ANKRD11: variants seen among roughly 807,000 people sequenced by gnomAD.
The protein encoded by ANKRD11 is ankyrin repeat domain 11.
ANKRD11 carries 17 observed loss-of-function variants against 195.7 expected under a neutral mutation model. The observed-to-expected ratio is 0.09, with a 90% confidence interval of 0.06 to 0.13. ANKRD11 has a LOEUF of 0.13. Among genes scored for constraint, ANKRD11 ranks in the 10% least tolerant of loss-of-function variants. ANKRD11 has a pLI of 1.00. For synonymous variants in ANKRD11, 1,953 were observed against 1,528.1 expected, an observed-to-expected ratio of 1.28 and a Z score of -6.49; for missense variants, 3,735 against 3,566.1, an observed-to-expected ratio of 1.05 and a Z score of -1.21.
At chr16:89,293,485 G>A (rs2035201835) in intron 4 of ANKRD11, among the ~76,000 whole-genome samples, 7 of 149,788 alleles carry the variant, frequency 4.7e-5, no homozygotes, top group Admixed American at 4.7e-4. Context: ...TGCGGAGGGA[G>A]GAGCTGGGGC....
Position 89,284,080 on chromosome 16 carries a change from T to C in ANKRD11, c.2462A>G (p.Asn821Ser), listed in dbSNP as rs1002460120. 1.2e-6 allele frequency: 2 copies of C among 1,614,130 alleles called. No individual in the cohort carries two copies. The highest frequency in any genetic ancestry group is 8.5e-7 in the Non-Finnish European group (1 of 1,179,984). The change falls in exon 9 of 13, where the codon AAT becomes AGT. Residue 821 changes from asparagine (N) to serine (S), a missense_variant. By Grantham distance (46) the Asn-to-Ser change is conservative. Transcript: ENST00000301030. ...DSAFDEYCNK[N>S]QFLENEDTKF... is the part of the protein sequence containing the mutation. ...GGTGTCTTCATTCTCCAGAAACTGA[T>C]TTTTGTTACAATATTCGTCAAAAGC...
chr16:89,428,011 C>G (rs2042792640), intron 1 of ANKRD11, among the ~76,000 whole-genome samples: 1 of 149,276 alleles, frequency 6.7e-6, no homozygotes, highest in African/African-American at 2.5e-5. Context: ...AGTTTGAGAC[C>G]AGCCTGGCCA....
At chr16:89,349,147 A>AAAAAAAAAG (rs1180870045) in intron 2 of ANKRD11, among the ~76,000 whole-genome samples, 37 of 143,250 alleles carry the variant, frequency 2.6e-4, no homozygotes, top group Middle Eastern at 3.5e-3. Context: ...AAAAAAAAAA[A>AAAAAAAAAG]AAAAAAAAAA....
intron 1 of ANKRD11, among the ~76,000 whole-genome samples, chr16:89,473,678 C>A (rs2057163201): frequency 6.6e-6 from 1 of 152,170 alleles, no homozygotes; most frequent in Non-Finnish European, 1.5e-5. Context: ...AACCAATTCC[C>A]AGAGACTGAC....
intron 4 of ANKRD11, among the ~76,000 whole-genome samples, chr16:89,302,806 G>A (rs1335024542): frequency 6.6e-6 from 1 of 152,058 alleles, no homozygotes; most frequent in Non-Finnish European, 1.5e-5. Context: ...CACCTCACAG[G>A]GATTCTCACC....
rs139089952 is a variant in ANKRD11, at chr16:89,299,258, A to T, written c.226+5948T>A. 9.3e-3 allele frequency: 1,688 copies of T among 181,698 alleles called. 47 individuals carry two copies. Among genetic ancestry groups the T allele is most frequent in the Admixed American group, 0.057 (946 of 16,636 alleles). The allele number at this position is 181,698 out of a possible 1,614,324, so 11.3% of individuals were successfully genotyped here. ...TGGCTCTGGTCCTGCCTGGGAGGAG[A>T]TCTACAGGGGAGGGGCCTGGCCTTG... On this transcript the variant is annotated intron_variant, in intron 4 of 12. Coordinates refer to ENST00000301030, the MANE Select transcript of ANKRD11 (RefSeq NM_013275.6).
intron 1 of ANKRD11, among the ~76,000 whole-genome samples, chr16:89,429,112 G>A (rs1031063338): frequency 6.6e-6 from 1 of 151,090 alleles, no homozygotes; most frequent in Non-Finnish European, 1.5e-5. Context: ...ACGCTCAGAC[G>A]TTCTAGTACA....
chr16:89,298,153 TCCAGCGGTCA>T (rs912539756), intron 4 of ANKRD11: 17 of 152,318 alleles, frequency 1.1e-4, no homozygotes, highest in African/African-American at 3.6e-4. Context: ...TTCACCAGCA[TCCAGCGGTCA>T]CCATGGTGAA....
At chr16:89,316,871 A>G (rs1378073749) in intron 3 of ANKRD11, 62 bp downstream of exon 3, 1 of 1,573,886 alleles carries the variant, frequency 6.4e-7, no homozygotes, top group Non-Finnish European at 8.7e-7. Flanking sequence ...GCAGCACCCC[A>G]TTCCCACCTC....
chr16:89,406,152 A>T (rs915937851), intron 2 of ANKRD11, among the ~76,000 whole-genome samples: 4 of 151,868 alleles, frequency 2.6e-5, no homozygotes, highest in Admixed American at 2.0e-4. Context: ...AAATCACCAA[A>T]GTCCTAAGTC....
chr16:89,368,830 G>A (rs1357256801), intron 2 of ANKRD11, among the ~76,000 whole-genome samples: 1 of 152,148 alleles, frequency 6.6e-6, no homozygotes, highest in Admixed American at 6.5e-5. Flanking sequence ...GAGCCAGGAG[G>A]TTGACGCCAC....
intron 9 of ANKRD11, chr16:89,278,669 G>C: frequency 2.1e-6 from 1 of 470,588 alleles, no homozygotes; most frequent in Non-Finnish European, 4.2e-6. Context: ...GGGAACCCAC[G>C]CGGGTCCAAG....
At position 89,285,929 on chromosome 16, in the gene ANKRD11, C is replaced by T. The variant is rs888698455; in HGVS notation, c.892+110G>A. The T allele has an allele frequency of 1.3e-4, 207 of 1,555,814 alleles. No homozygotes were observed. Among genetic ancestry groups the T allele is most frequent in the Non-Finnish European group, 1.7e-4 (191 of 1,136,706 alleles). On this transcript the variant is annotated intron_variant, in intron 8 of 12. Coordinates refer to ENST00000301030, the MANE Select transcript of ANKRD11 (RefSeq NM_013275.6). This position sits in a 1 kb window ranked among gnomAD's most constrained non-coding sequence, Gnocchi z 5.6. ...GCAGTCCAGAAGCTCCTGTAAGCCC[C>T]CAGCATCCGAGGAGGAGCTGATCAG...
chr16:89,305,109 G>C, intron 4 of ANKRD11, 97 bp downstream of exon 4: 1 of 1,540,662 alleles, frequency 6.5e-7, no homozygotes, highest in East Asian at 2.3e-5. Flanking sequence ...GTGCGTCCCA[G>C]TGCAAAGCCG....
At chr16:89,397,959 A>T (rs1430046013) in intron 2 of ANKRD11, among the ~76,000 whole-genome samples, 1 of 152,250 alleles carries the variant, frequency 6.6e-6, no homozygotes. Context: ...CCTGTTGTTG[A>T]ATCGGTGCAA....
intron 1 of ANKRD11, among the ~76,000 whole-genome samples, chr16:89,441,774 A>AC (rs2043506803): frequency 9.8e-6 from 1 of 102,432 alleles, no homozygotes; most frequent in African/African-American, 2.9e-5. Flanking sequence ...CTACAAAAAA[A>AC]AAAAAAAAAA....
intron 2 of ANKRD11, among the ~76,000 whole-genome samples, chr16:89,383,500 G>A (rs192131870): frequency 2.0e-5 from 3 of 152,364 alleles, no homozygotes; most frequent in East Asian, 1.9e-4. Context: ...TCGGGGCCAT[G>A]TCCAGTGGAC....
Position 89,283,314 on chromosome 16 carries a change from C to T in ANKRD11, c.3228G>A (p.Arg1076=), listed in dbSNP as rs1044951646. Reference sequence around the variant, plus strand: ...CTTTCCCTTGGTCGAGAGACGCTTTCCTTTCTTTGTCTTTGCCATGTGTGT... The same window carrying T: ...CTTTCCCTTGGTCGAGAGACGCTTTTCTTTCTTTGTCTTTGCCATGTGTGT... ...HKDTHGKDKE[R]KASLDQGKEK... Residue 1076 remains arginine, a synonymous_variant, in exon 9 of 13, where the codon AGG becomes AGA. Coordinates refer to ENST00000301030, the MANE Select transcript of ANKRD11 (RefSeq NM_013275.6). The surrounding 1 kb of genome is among the most constrained non-coding windows in gnomAD (Gnocchi z 4.3). 1.2e-6 allele frequency: 2 copies of T among 1,613,854 alleles called. No individual in the cohort carries two copies. The highest frequency in any genetic ancestry group is 3.3e-5 in the Admixed American group (2 of 60,012).
chr16:89,376,872 T>A (rs748003856), intron 2 of ANKRD11, among the ~76,000 whole-genome samples: 1 of 152,212 alleles, frequency 6.6e-6, no homozygotes, highest in Non-Finnish European at 1.5e-5. Flanking sequence ...AATGCTACTG[T>A]TTTGTGCAAA....
Sources: gnomAD v4.1 joint callset for allele counts (sites outside exome capture counted in the v4.1 genomes callset) on GRCh38, gnomAD v4.1.1 for gene constraint, Gnocchi (gnomAD v3.1) non-coding constraint, MANE v1.5 for transcripts, NCBI Gene and HGNC (gene_info 2026-07-23, HGNC 2026-07-21) for gene names.